RCL1: variants seen among roughly 807,000 people sequenced by gnomAD.
RCL1 encodes RNA terminal phosphate cyclase like 1, also known as RNA 3'-terminal phosphate cyclase-like protein.
Under a neutral mutation model 42.4 loss-of-function variants are expected in RCL1, and 24 were observed. The observed-to-expected ratio is 0.57, with a 90% CI of 0.41 to 0.80. The LOEUF is 0.80. RCL1 is among the 30% of genes least tolerant of loss of function. RCL1 has a pLI of 0.00. For missense variants in RCL1, 578 were observed against 467.9 expected (o/e 1.24, Z -2.17); for synonymous variants, 228 against 177.3 (o/e 1.29, Z -2.27).
At chr9:4,801,479 C>G (rs993038643) in intron 1 of RCL1, among the ~76,000 whole-genome samples, 16 of 152,186 alleles carry the variant, frequency 1.1e-4, no homozygotes, top group African/African-American at 3.4e-4. Context: ...GGTGCCTGGC[C>G]TCTACTGTTG....
At chr9:4,849,646 A>T in intron 8 of RCL1, 96 bp downstream of exon 8, 1 of 836,226 alleles carries the variant, frequency 1.2e-6, no homozygotes, top group Non-Finnish European at 2.0e-6. Flanking sequence ...AGCCTGCACT[A>T]TGAACACCTG....
chr9:4,845,252 C>T (rs577952195), intron 7 of RCL1, among the ~76,000 whole-genome samples: 1 of 152,312 alleles, frequency 6.6e-6, no homozygotes, highest in East Asian at 1.9e-4. Context: ...GAAGGCAGGC[C>T]TGTGGCACAG....
chr9:4,809,563 C>T (rs1037044145), intron 1 of RCL1, among the ~76,000 whole-genome samples: 16 of 152,184 alleles, frequency 1.1e-4, no homozygotes, highest in African/African-American at 3.4e-4. Context: ...CCGCCTCGGC[C>T]TCCCAGAGTG....
At chr9:4,801,781 A>G (rs1185034094) in intron 1 of RCL1, among the ~76,000 whole-genome samples, 2 of 146,050 alleles carry the variant, frequency 1.4e-5, no homozygotes, top group East Asian at 2.0e-4. Flanking sequence ...TTGAAACGGC[A>G]TCTTTTTTCC....
At chr9:4,805,303 C>T (rs1406409016) in intron 1 of RCL1, among the ~76,000 whole-genome samples, 1 of 152,064 alleles carries the variant, frequency 6.6e-6, no homozygotes, top group Non-Finnish European at 1.5e-5. Context: ...GCAGGAGGAT[C>T]ACTTGAGCCT....
At chr9:4,848,592 C>CT (rs1563856214) in intron 7 of RCL1, among the ~76,000 whole-genome samples, 2 of 152,186 alleles carry the variant, frequency 1.3e-5, no homozygotes, top group African/African-American at 4.8e-5. Flanking sequence ...CAAGGTCATC[C>CT]TTCTTTGACT....
intron 1 of RCL1, among the ~76,000 whole-genome samples, chr9:4,800,089 A>C (rs1012306821): frequency 6.6e-6 from 1 of 152,216 alleles, no homozygotes; most frequent in Non-Finnish European, 1.5e-5. Context: ...GTTGCTGAGT[A>C]GTATTTCATG....
chr9:4,817,811 C>T (rs1225547264), intron 1 of RCL1, among the ~76,000 whole-genome samples: 1 of 148,350 alleles, frequency 6.7e-6, no homozygotes. Flanking sequence ...TTTTTATTTT[C>T]TTTTTCTCTT....
intron 3 of RCL1, among the ~76,000 whole-genome samples, chr9:4,827,867 G>T (rs973081912): frequency 1.3e-5 from 2 of 151,960 alleles, no homozygotes; most frequent in African/African-American, 2.4e-5. Flanking sequence ...GCTTTTGGAT[G>T]CTCTGCTGTC....
intron 1 of RCL1, among the ~76,000 whole-genome samples, chr9:4,819,548 C>A (rs1215430420): frequency 1.3e-5 from 2 of 152,186 alleles, no homozygotes; most frequent in East Asian, 3.8e-4. Context: ...TTTGCTCACG[C>A]CTGTAATCCC....
intron 1 of RCL1, among the ~76,000 whole-genome samples, chr9:4,816,261 G>C (rs1816373297): frequency 6.6e-6 from 1 of 152,144 alleles, no homozygotes; most frequent in African/African-American, 2.4e-5. Context: ...TTGCACATAT[G>C]TTATTCCACT....
At chr9:4,852,729 C>G (rs1343929680) in intron 8 of RCL1, among the ~76,000 whole-genome samples, 1 of 149,864 alleles carries the variant, frequency 6.7e-6, no homozygotes, top group Non-Finnish European at 1.5e-5. Flanking sequence ...TGCCTGGACA[C>G]CCCTTCACCC....
intron 4 of RCL1, 28 bp from the exon 5 acceptor site, chr9:4,834,113 C>T (rs377100122): frequency 3.1e-6 from 5 of 1,605,822 alleles, no homozygotes; most frequent in East Asian, 4.5e-5. Flanking sequence ...GCTGCATCCT[C>T]GCCTCATCTT....
chr9:4,859,272 CTTAT>C (rs1216628697), intron 8 of RCL1, among the ~76,000 whole-genome samples: 1 of 152,142 alleles, frequency 6.6e-6, no homozygotes, highest in Admixed American at 6.5e-5. Context: ...CCCCGGCCAC[CTTAT>C]TTAATATTGC....
chr9:4,839,640 T>G, intron 5 of RCL1: 1 of 984,850 alleles, frequency 1.0e-6, no homozygotes, highest in Non-Finnish European at 1.2e-6. Flanking sequence ...GATGGTGATG[T>G]AACTGGGCTG....
chr9:4,795,860 C>G (rs1362092975), intron 1 of RCL1, among the ~76,000 whole-genome samples: 1 of 152,148 alleles, frequency 6.6e-6, no homozygotes, highest in Non-Finnish European at 1.5e-5. Flanking sequence ...ATGTGAGAAG[C>G]TGGTTGCCCC....
rs1161691098 is a variant in RCL1, at chr9:4,834,246, A to C, written c.565A>C (p.Lys189Gln). The part of the protein sequence containing the change: ...PIQLTDPGKI[K>Q]RIRGMAYSVR... ...TCAACTCACAGATCCAGGAAAAATC[A>C]AACGTATTAGAGGAATGGCGTATCC... Residue 189 changes from lysine (K) to glutamine (Q), a missense_variant, in exon 5 of 9, where the codon AAA becomes CAA. By Grantham distance (53) the Lys-to-Gln change is moderately conservative. Coordinates refer to ENST00000381750, the MANE Select transcript of RCL1 (RefSeq NM_005772.5). 6.2e-7 allele frequency: 1 copy of C among 1,613,096 alleles called. No homozygotes were observed. The highest frequency in any genetic ancestry group is 1.1e-5 in the South Asian group (1 of 91,030).
chr9:4,836,149 G>C (rs933677928), intron 5 of RCL1, among the ~76,000 whole-genome samples: 1 of 152,214 alleles, frequency 6.6e-6, no homozygotes, highest in African/African-American at 2.4e-5. Flanking sequence ...TAAGGTCCTT[G>C]CTGAAGGTGT....
rs191746163 is a variant in RCL1 at position 4,839,804 on chromosome 9, G to A, written c.585-1428G>A. 9.3e-6 allele frequency: 9 copies of A among 971,592 alleles called. No individual in the cohort carries two copies. The East Asian group carries it at 4.6e-4, about 49-fold the overall frequency. The allele number at this position is 971,592 out of a possible 1,614,324, so 60.2% of individuals were successfully genotyped here. A position where few individuals can be genotyped will look rare whatever the true frequency, so the allele number is the denominator to read the frequency against. On this transcript the variant is annotated intron_variant, in intron 5 of 8. Transcript: ENST00000381750. Reference sequence around the variant, plus strand: ...GGTAAAGCCCTTGCCCTTATAGAGTGTGTGGTCTCATTGAAGAGCAAGAAC... The same window carrying A: ...GGTAAAGCCCTTGCCCTTATAGAGTATGTGGTCTCATTGAAGAGCAAGAAC...
Sources: allele counts gnomAD v4.1 joint callset (sites outside exome capture counted in the v4.1 genomes callset), GRCh38; gene constraint gnomAD v4.1.1; transcripts MANE v1.5; gene names NCBI Gene and HGNC (gene_info 2026-07-23, HGNC 2026-07-21).